The following TNR variants were observed in gnomAD, a reference collection of about 807,000 sequenced individuals.
TNR encodes the protein tenascin-R.
Under a neutral mutation model 150.4 loss-of-function variants are expected in TNR, and 45 were observed. That is an observed-to-expected ratio of 0.30 (90% CI 0.24 to 0.38). TNR has a LOEUF of 0.38. TNR is among the 10% of genes least tolerant of loss of function. The pLI is 1.00. For synonymous variants in TNR, 687 were observed against 678.4 expected (o/e 1.01, Z -0.20); for missense variants, 1,544 against 1,759.1 (o/e 0.88, Z 2.19).
At chr1:175,330,991 CT>C (rs1460456819) in intron 20 of TNR, among the ~76,000 whole-genome samples, 1 of 129,312 alleles carries the variant, frequency 7.7e-6, no homozygotes, top group Non-Finnish European at 1.7e-5. Flanking sequence ...CCAGATCCCT[CT>C]TGGTGATTCT....
intron 19 of TNR, 63 bp downstream of exon 19, chr1:175,337,465 T>G: frequency 1.3e-6 from 2 of 1,594,434 alleles, no homozygotes; most frequent in Non-Finnish European, 1.7e-6. Flanking sequence ...TGGCAGGTGC[T>G]GAGCTAGGTA....
chr1:175,535,501 C>T (rs2102183525), intron 1 of TNR, among the ~76,000 whole-genome samples: 1 of 152,070 alleles, frequency 6.6e-6, no homozygotes, highest in South Asian at 2.1e-4. Flanking sequence ...CGCTCTGTCG[C>T]CCAGGCTGGA....
chr1:175,489,081 A>G (rs559095896), intron 2 of TNR, among the ~76,000 whole-genome samples: 1 of 152,342 alleles, frequency 6.6e-6, no homozygotes, highest in Admixed American at 6.5e-5. Context: ...ACAATAGTTT[A>G]GATGCCCTTT....
At chr1:175,324,661 G>A in intron 21 of TNR, 142 bp from the exon 22 acceptor site, 2 of 977,226 alleles carry the variant, frequency 2.0e-6, no homozygotes, top group Non-Finnish European at 1.5e-6. Flanking sequence ...GAGTGGCTGT[G>A]CTGAACTCTT....
chr1:175,380,885 G>A (rs770948179), intron 8 of TNR, among the ~76,000 whole-genome samples: 63 of 152,320 alleles, frequency 4.1e-4, no homozygotes, highest in Non-Finnish European at 8.2e-4. Context: ...AGAAAACCTC[G>A]AGTGGACTGT....
intron 2 of TNR, among the ~76,000 whole-genome samples, chr1:175,411,047 T>A (rs1654189167): frequency 6.6e-6 from 1 of 152,196 alleles, no homozygotes; most frequent in South Asian, 2.1e-4. Context: ...CATGGCTTGT[T>A]CGATGAATGC....
chr1:175,535,681 G>A (rs1361299261), intron 1 of TNR, among the ~76,000 whole-genome samples: 1 of 150,864 alleles, frequency 6.6e-6, no homozygotes, highest in Non-Finnish European at 1.5e-5. Context: ...TGTGTTAGCT[G>A]TATTTCTTAA....
intron 21 of TNR, among the ~76,000 whole-genome samples, 169 bp from the exon 22 acceptor site, chr1:175,324,688 G>A (rs1371698888): frequency 2.0e-5 from 3 of 152,046 alleles, no homozygotes; most frequent in African/African-American, 7.2e-5. Flanking sequence ...CCTTACCCCT[G>A]GGGCCAACCA....
At chr1:175,362,993 C>T (rs977923311) in intron 13 of TNR, among the ~76,000 whole-genome samples, 184 bp from the exon 14 acceptor site, 1 of 152,218 alleles carries the variant, frequency 6.6e-6, no homozygotes, top group Non-Finnish European at 1.5e-5. Flanking sequence ...TGGTCTCACT[C>T]CTTCATTTTA....
At chr1:175,385,937 C>T in intron 8 of TNR, 95 bp downstream of exon 8, 1 of 1,398,838 alleles carries the variant, frequency 7.1e-7, no homozygotes, top group South Asian at 1.5e-5. Flanking sequence ...ACACACCTTG[C>T]CTCATTCCTA....
At chr1:175,736,560 G>A (rs1667778403) in intron 1 of TNR, among the ~76,000 whole-genome samples, 1 of 151,978 alleles carries the variant, frequency 6.6e-6, no homozygotes, top group Admixed American at 6.5e-5. Context: ...GGCTTTTCGG[G>A]GGTGAGGGAG....
intron 2 of TNR, among the ~76,000 whole-genome samples, chr1:175,509,442 T>A (rs1659080486): frequency 6.6e-6 from 1 of 152,136 alleles, no homozygotes; most frequent in Non-Finnish European, 1.5e-5. Context: ...CTGCTCCGAG[T>A]TTTTCTCCTG....
intron 19 of TNR, among the ~76,000 whole-genome samples, chr1:175,336,574 T>A (rs1650263159): frequency 6.6e-6 from 1 of 152,250 alleles, no homozygotes; most frequent in Non-Finnish European, 1.5e-5. Context: ...AACTCCCGGC[T>A]GCTCCGACCG....
At chr1:175,415,833 TGATTGGAAGTGAA>T (rs71726573) in intron 2 of TNR, among the ~76,000 whole-genome samples, 27,994 of 151,888 alleles carry the variant, frequency 0.18, 2,740 homozygotes, top group Middle Eastern at 0.28. Flanking sequence ...GAAAATATCA[TGATTGGAAGTGAA>T]GATTGGAAGT....
rs1369660503 is a variant in TNR, at chr1:175,315,548, TGTTA to T, written c.*7805_*7808del. The stretch of plus-strand genomic sequence containing the variant: ...CTTTGTTATTTTTACCTGAAAAGGC[TGTTA>T]AAGGTTAAAATGACAAACTCAAATT... On this transcript the variant is annotated 3_prime_UTR_variant, in exon 23 of 23. Coordinates refer to ENST00000367674, the MANE Select transcript of TNR (RefSeq NM_003285.3). 1 of 152,162 alleles carries T rather than the reference TGTTA, an allele frequency of 6.6e-6. No homozygotes were observed. The highest frequency in any genetic ancestry group is 1.5e-5 in the Non-Finnish European group (1 of 68,030). The allele number at this position is 152,162 out of a possible 1,614,324, so 9.4% of individuals were successfully genotyped here. A position where few individuals can be genotyped will look rare whatever the true frequency, so the allele number is the denominator to read the frequency against.
At chr1:175,393,741 C>A in intron 6 of TNR, 39 bp downstream of exon 6, 1 of 1,512,728 alleles carries the variant, frequency 6.6e-7, no homozygotes, top group Non-Finnish European at 9.2e-7. Flanking sequence ...ACAAATATTC[C>A]AAATAAGTCT....
In TNR at chr1:175,319,568, A is replaced by T. The variant is rs1221416853; in HGVS notation, c.*3789T>A. 1.3e-5 allele frequency: 2 copies of T among 152,398 alleles called. No homozygotes were observed. Among genetic ancestry groups the T allele is most frequent in the Admixed American group, 1.3e-4 (2 of 15,284 alleles). The allele number at this position is 152,398 out of a possible 1,614,324, so 9.4% of individuals were successfully genotyped here. ...AGGTGGAAGGAAGCGGGGCATTAGG[A>T]GTCCTACCACTTTATGAGTAGTAGA... On this transcript the variant is annotated 3_prime_UTR_variant, in exon 23 of 23. Coordinates refer to ENST00000367674, the MANE Select transcript of TNR (RefSeq NM_003285.3).
chr1:175,655,849 T>A (rs1665155198), intron 1 of TNR, among the ~76,000 whole-genome samples: 1 of 152,128 alleles, frequency 6.6e-6, no homozygotes. Flanking sequence ...TTCTGAGCTG[T>A]CACTATAAGG....
chr1:175,587,682 G>A (rs1662628745), intron 1 of TNR, among the ~76,000 whole-genome samples: 1 of 152,144 alleles, frequency 6.6e-6, no homozygotes, highest in South Asian at 2.1e-4. Context: ...AAAAAAATCA[G>A]AGCCTAGACC....
Sources: allele counts gnomAD v4.1 joint callset (sites outside exome capture counted in the v4.1 genomes callset), GRCh38; gene constraint gnomAD v4.1.1; transcripts MANE v1.5; gene names NCBI Gene and HGNC (gene_info 2026-07-23, HGNC 2026-07-21).